Variants in GALNT18 observed in about 807,000 individuals in gnomAD.
GALNT18 encodes polypeptide N-acetylgalactosaminyltransferase 18, also known as GalNAc-transferase 18.
In GALNT18, 44 loss-of-function variants were observed where a neutral mutation model predicts 69.5. That is an observed-to-expected ratio of 0.63 (90% confidence interval 0.50 to 0.81). GALNT18 has a LOEUF of 0.81. Among genes scored for constraint, GALNT18 ranks in the 40% least tolerant of loss-of-function variants. The probability of loss-of-function intolerance (pLI) is 0.00; values close to 1 mark genes in which losing one functional copy is unlikely to be tolerated. For synonymous variants in GALNT18, 364 were observed against 318.2 expected, an observed-to-expected ratio of 1.14 and a Z score of -1.53; for missense variants, 715 against 810.0, an observed-to-expected ratio of 0.88 and a Z score of 1.42.
chr11:11,326,918 C>T (rs1017925791), intron 9 of GALNT18, among the ~76,000 whole-genome samples, 168 bp downstream of exon 9: 1 of 152,222 alleles, frequency 6.6e-6, no homozygotes, highest in Admixed American at 6.5e-5. Flanking sequence ...GACCCATCCT[C>T]TTCAGCTCAT....
intron 1 of GALNT18, among the ~76,000 whole-genome samples, chr11:11,537,323 C>T (rs1240382733): frequency 6.6e-6 from 1 of 151,410 alleles, no homozygotes; most frequent in Non-Finnish European, 1.5e-5. Flanking sequence ...AAATATATTG[C>T]TTTACCTTTG....
In GALNT18 at chr11:11,511,575, C is replaced by T. The variant is rs1387545891; in HGVS notation, c.236-62639G>A. On this transcript the variant is annotated intron_variant, in intron 1 of 10. Coordinates refer to ENST00000227756, the MANE Select transcript of GALNT18 (RefSeq NM_198516.3). The surrounding 1 kb of genome is among the most constrained non-coding windows in gnomAD (Gnocchi z 4.9). ...GGACTATCTCTCCAGAAAATGCATA[C>T]ATGTGCACACTGTGTTATGGAATGA... 6.6e-6 allele frequency among the ~76,000 whole-genome samples: 1 copy of T among 152,202 alleles called. No individual in the cohort carries two copies. The highest frequency in any genetic ancestry group is 2.4e-5 in the African/African-American group (1 of 41,444).
At chr11:11,321,542 A>G (rs1364305697) in intron 9 of GALNT18, among the ~76,000 whole-genome samples, 1 of 152,140 alleles carries the variant, frequency 6.6e-6, no homozygotes, top group Non-Finnish European at 1.5e-5. Flanking sequence ...TCCTTTCCTA[A>G]CTCCCTTACA....
intron 1 of GALNT18, among the ~76,000 whole-genome samples, chr11:11,453,026 C>T (rs1017051871): frequency 2.6e-5 from 4 of 152,142 alleles, no homozygotes; most frequent in Admixed American, 2.0e-4. Flanking sequence ...GGCTGTTACT[C>T]GCCCCCTGCC....
intron 10 of GALNT18, among the ~76,000 whole-genome samples, chr11:11,274,423 A>C (rs1211434964): frequency 1.3e-5 from 2 of 152,236 alleles, no homozygotes; most frequent in African/African-American, 4.8e-5. Flanking sequence ...CACAGAGCCC[A>C]GCAAGCGAAA....
At chr11:11,371,915 G>A (rs1020953624) in intron 6 of GALNT18, among the ~76,000 whole-genome samples, 1 of 152,218 alleles carries the variant, frequency 6.6e-6, no homozygotes, top group African/African-American at 2.4e-5. Flanking sequence ...CATGCCATGA[G>A]CTGATTGCTG....
rs6484952 is a variant in GALNT18 at position 11,494,317 on chromosome 11, G to A, written c.236-45381C>T. 0.96 allele frequency among the ~76,000 whole-genome samples: 146,512 copies of A among 152,180 alleles called. 70,725 individuals are homozygous for A. The highest frequency in any genetic ancestry group is 1 in the East Asian group (5,156 of 5,156). ...GCCTAAAAACTGGGTCCTTTCCCCAGTGCTTCCTGTCTAGGATCCCATGTG... is the reference window on the plus strand; with the variant it reads ...GCCTAAAAACTGGGTCCTTTCCCCAATGCTTCCTGTCTAGGATCCCATGTG... On this transcript the variant is annotated intron_variant, in intron 1 of 10. Transcript: ENST00000227756. The surrounding 1 kb of genome is among the most constrained non-coding windows in gnomAD (Gnocchi z 5.7).
At position 11,553,695 on chromosome 11, in the gene GALNT18, C is replaced by G. The variant is rs1283315249; in HGVS notation, c.235+67664G>C. The stretch of plus-strand genomic sequence containing the variant: ...AGCACCAAGCTCCCCCCCAGCACCC[C>G]CACAATTCCCACCCGATGGCAGACA... On this transcript the variant is annotated intron_variant, in intron 1 of 10. Transcript: ENST00000227756. Among the ~76,000 whole-genome samples, 29 of 152,236 alleles carry G rather than the reference C, an allele frequency of 1.9e-4. 2 individuals are homozygous for G. Among genetic ancestry groups the G allele is most frequent in the Admixed American group, 1.9e-3 (29 of 15,300 alleles).
In GALNT18 at chr11:11,411,869, G is replaced by A. The variant is rs1234760958; in HGVS notation, c.595+20752C>T. Among the ~76,000 whole-genome samples the A allele has an allele frequency of 2.0e-5, 3 of 152,202 alleles. No individual in the cohort carries two copies. The South Asian group carries it at 6.2e-4, about 32-fold the overall frequency. The stretch of plus-strand genomic sequence containing the variant: ...CCTGGGGCATAAAGCGCATCTCAGA[G>A]TTGTCCCATCCGAGGCAAGGCTGGA... On this transcript the variant is annotated intron_variant, in intron 3 of 10. Coordinates refer to ENST00000227756, the MANE Select transcript of GALNT18 (RefSeq NM_198516.3).
rs978597715 is a variant in GALNT18, at chr11:11,340,013, T to C, written c.1278+806A>G. Among the ~76,000 whole-genome samples the C allele has an allele frequency of 6.6e-6, 1 of 152,340 alleles. No individual in the cohort carries two copies. Among genetic ancestry groups the C allele is most frequent in the African/African-American group, 2.4e-5 (1 of 41,578 alleles). ...GAGGTCATGTAGTCAATAGCTCTGA[T>C]AGCTCTGTCTCACACAGAATGCAAC... On this transcript the variant is annotated intron_variant, in intron 7 of 10. Coordinates refer to ENST00000227756, the MANE Select transcript of GALNT18 (RefSeq NM_198516.3). The surrounding 1 kb of genome is among the most constrained non-coding windows in gnomAD (Gnocchi z 4.2).
rs768531101 is a variant in GALNT18, at chr11:11,592,603, G to A, written c.235+28756C>T. Reference sequence around the variant, plus strand: ...TCAGTTACGAAAAAGGGTATAAACCGCCATTCCTTCTTAGAAAACCAGAAA... The same window carrying A: ...TCAGTTACGAAAAAGGGTATAAACCACCATTCCTTCTTAGAAAACCAGAAA... On this transcript the variant is annotated intron_variant, in intron 1 of 10. Coordinates refer to ENST00000227756, the MANE Select transcript of GALNT18 (RefSeq NM_198516.3). This position sits in a 1 kb window ranked among gnomAD's most constrained non-coding sequence, Gnocchi z 5.9. 3.3e-5 allele frequency among the ~76,000 whole-genome samples: 5 copies of A among 152,190 alleles called. No homozygotes were observed. Among genetic ancestry groups the A allele is most frequent in the Admixed American group, 1.3e-4 (2 of 15,288 alleles).
At chr11:11,460,611 G>A (rs1856018269) in intron 1 of GALNT18, among the ~76,000 whole-genome samples, 1 of 152,196 alleles carries the variant, frequency 6.6e-6, no homozygotes, top group African/African-American at 2.4e-5. Flanking sequence ...TCACTAACAA[G>A]GTAGAAAGGA....
intron 1 of GALNT18, among the ~76,000 whole-genome samples, chr11:11,502,347 G>T (rs1056194103): frequency 1.3e-5 from 2 of 152,218 alleles, no homozygotes; most frequent in African/African-American, 4.8e-5. Context: ...GTATGCCTAG[G>T]CTGAGCAGGC....
chr11:11,331,308 A>C (rs1382887623), intron 8 of GALNT18, among the ~76,000 whole-genome samples: 1 of 152,132 alleles, frequency 6.6e-6, no homozygotes, highest in Non-Finnish European at 1.5e-5. Context: ...GGGGACACTC[A>C]TGGGAGGATA....
chr11:11,539,121 G>T (rs1470313875), intron 1 of GALNT18, among the ~76,000 whole-genome samples: 2 of 152,204 alleles, frequency 1.3e-5, no homozygotes, highest in Non-Finnish European at 2.9e-5. Flanking sequence ...CCTGCTTTGT[G>T]CAGGTCCAGT....
chr11:11,305,863 T>C (rs1849568356), intron 9 of GALNT18, among the ~76,000 whole-genome samples: 1 of 152,216 alleles, frequency 6.6e-6, no homozygotes, highest in African/African-American at 2.4e-5. Flanking sequence ...AACATATTAA[T>C]TGAATCAAGC....
chr11:11,575,102 G>A (rs1172202867), intron 1 of GALNT18, among the ~76,000 whole-genome samples: 2 of 152,096 alleles, frequency 1.3e-5, no homozygotes, highest in African/African-American at 4.8e-5. Flanking sequence ...GAGCTTCCAG[G>A]GTCCAAGCTC....
intron 1 of GALNT18, among the ~76,000 whole-genome samples, chr11:11,580,898 T>A (rs769045789): frequency 2.0e-5 from 3 of 152,256 alleles, no homozygotes; most frequent in Non-Finnish European, 2.9e-5. Context: ...GCAGTGGCAT[T>A]GTGACTTTTG....
chr11:11,608,643 G>A (rs1000233790), intron 1 of GALNT18, among the ~76,000 whole-genome samples: 8 of 152,134 alleles, frequency 5.3e-5, no homozygotes, highest in African/African-American at 1.7e-4. Flanking sequence ...TTACAGGCGT[G>A]AGCCACAGCA....
Sources: gnomAD v4.1 joint callset for allele counts (sites outside exome capture counted in the v4.1 genomes callset) on GRCh38, gnomAD v4.1.1 for gene constraint, Gnocchi (gnomAD v3.1) non-coding constraint, MANE v1.5 for transcripts, NCBI Gene and HGNC (gene_info 2026-07-23, HGNC 2026-07-21) for gene names.